Variants in NCEH1 observed in about 807,000 individuals in gnomAD.
The protein encoded by NCEH1 is neutral cholesterol ester hydrolase 1.
A neutral mutation model predicts 25.4 loss-of-function variants in NCEH1; 9 were observed. That is an observed-to-expected ratio of 0.35 (90% confidence interval 0.21 to 0.62). The LOEUF (loss-of-function observed/expected upper bound fraction) is 0.62. Ranked by LOEUF, NCEH1 falls within the 20% of genes least tolerant of loss-of-function variation. The pLI, the probability that NCEH1 is intolerant of heterozygous loss-of-function variation, is 0.72. For missense variants in NCEH1, 412 were observed against 501.1 expected, an observed-to-expected ratio of 0.82 and a Z score of 1.70; for synonymous variants, 200 against 199.8, an observed-to-expected ratio of 1.00 and a Z score of -0.01.
intron 1 of NCEH1, among the ~76,000 whole-genome samples, chr3:172,656,450 TTCTG>T (rs1456902835): frequency 6.6e-6 from 1 of 152,220 alleles, no homozygotes; most frequent in African/African-American, 2.4e-5. Context: ...TGGATGTCAG[TTCTG>T]TCTTTGTCCT....
intron 2 of NCEH1, among the ~76,000 whole-genome samples, chr3:172,646,100 C>A (rs1488551673): frequency 1.3e-5 from 2 of 152,206 alleles, no homozygotes; most frequent in African/African-American, 4.8e-5. Flanking sequence ...TGCCTGTAAT[C>A]TCAGCACTTC....
Position 172,660,902 on chromosome 3 carries a change from T to C in NCEH1, c.139-12788A>G, listed in dbSNP as rs140203918. ...TTGTCAGATGGGAAGATTGTAAAAA[T>C]TTTCTCCCATTCTGTAGGCTGCCTG... On this transcript the variant is annotated intron_variant, in intron 1 of 4. Coordinates refer to ENST00000475381, the MANE Select transcript of NCEH1 (RefSeq NM_020792.6). 7.2e-5 allele frequency among the ~76,000 whole-genome samples: 11 copies of C among 152,320 alleles called. No individual in the cohort carries two copies. The East Asian group carries it at 1.9e-3, about 27-fold the overall frequency.
intron 3 of NCEH1, among the ~76,000 whole-genome samples, chr3:172,644,007 C>T (rs1433100708): frequency 6.6e-6 from 1 of 152,190 alleles, no homozygotes; most frequent in Non-Finnish European, 1.5e-5. Flanking sequence ...GGAGGCCTTG[C>T]TGAGAGTCCA....
rs1716484233 is a variant in NCEH1 at position 172,633,865 on chromosome 3, A to G, written c.837T>C (p.Ala279=). Residue 279 remains alanine, a synonymous_variant, in exon 5 of 5, where the codon GCT becomes GCC. Coordinates refer to ENST00000475381, the MANE Select transcript of NCEH1 (RefSeq NM_020792.6). ...NNHTSLDVEE[A]AAVRARLNWT... ...AGTTTAGACGGGCCCTGACAGCAGC[A>G]GCCTCTTCCACATCAAGTGAAGTGT... 1.2e-6 allele frequency: 2 copies of G among 1,614,250 alleles called. No homozygotes were observed. The highest frequency in any genetic ancestry group is 4.5e-5 in the East Asian group (2 of 44,892).
At chr3:172,652,925 G>C (rs1390852654) in intron 1 of NCEH1, among the ~76,000 whole-genome samples, 1 of 151,112 alleles carries the variant, frequency 6.6e-6, no homozygotes, top group Admixed American at 6.6e-5. Context: ...GGCTGGTCTT[G>C]AACTCCTGAC....
At chr3:172,670,713 T>C (rs1177845701) in intron 1 of NCEH1, among the ~76,000 whole-genome samples, 1 of 152,240 alleles carries the variant, frequency 6.6e-6, no homozygotes, top group Non-Finnish European at 1.5e-5. Flanking sequence ...GAAGCATCAG[T>C]AGTTAATGGT....
intron 1 of NCEH1, among the ~76,000 whole-genome samples, chr3:172,660,639 T>G (rs999836325): frequency 6.6e-6 from 1 of 152,214 alleles, no homozygotes; most frequent in Non-Finnish European, 1.5e-5. Context: ...CAGCACCTGT[T>G]GTTTCCTGAC....
intron 1 of NCEH1, among the ~76,000 whole-genome samples, chr3:172,654,224 T>A (rs1019730250): frequency 6.6e-6 from 1 of 152,168 alleles, no homozygotes; most frequent in African/African-American, 2.4e-5. Context: ...CCCAGCTCCC[T>A]CACTTACCAG....
intron 1 of NCEH1, among the ~76,000 whole-genome samples, chr3:172,670,530 T>C (rs1308126066): frequency 6.6e-6 from 1 of 152,206 alleles, no homozygotes; most frequent in African/African-American, 2.4e-5. Context: ...AAGCTACACA[T>C]GTAGAGTCAG....
intron 1 of NCEH1, among the ~76,000 whole-genome samples, chr3:172,658,450 A>G (rs1717806786): frequency 6.6e-6 from 1 of 152,196 alleles, no homozygotes; most frequent in South Asian, 2.1e-4. Flanking sequence ...GAGGGCATGC[A>G]TGGACCTAAA....
At chr3:172,687,719 A>G (rs1046732005) in intron 1 of NCEH1, among the ~76,000 whole-genome samples, 1 of 152,160 alleles carries the variant, frequency 6.6e-6, no homozygotes, top group Non-Finnish European at 1.5e-5. Flanking sequence ...CCAGATGGCA[A>G]TTTTTCAAGA....
intron 1 of NCEH1, among the ~76,000 whole-genome samples, chr3:172,664,054 C>T (rs978599173): frequency 2.0e-5 from 3 of 152,156 alleles, no homozygotes; most frequent in South Asian, 4.1e-4. Context: ...TTCCTAGCCT[C>T]GATGGTCTTT....
intron 1 of NCEH1, among the ~76,000 whole-genome samples, chr3:172,680,402 C>G (rs927393401): frequency 1.1e-4 from 16 of 152,190 alleles, no homozygotes; most frequent in Admixed American, 5.2e-4. Context: ...CCCCCTCCCC[C>G]TACTACTCAC....
intron 1 of NCEH1, among the ~76,000 whole-genome samples, chr3:172,675,229 G>T (rs569603165): frequency 1.3e-5 from 2 of 152,068 alleles, no homozygotes; most frequent in Non-Finnish European, 2.9e-5. Context: ...CTTGAACGTG[G>T]GAGGTGGAGG....
intron 1 of NCEH1, among the ~76,000 whole-genome samples, chr3:172,653,744 G>GTTGTTGCTTTT (rs1717534237): frequency 2.1e-5 from 2 of 95,676 alleles, no homozygotes; most frequent in African/African-American, 8.4e-5. Context: ...TGTTTTTTTT[G>GTTGTTGCTTTT]TTTTTTTGTT....
At chr3:172,674,794 G>A (rs1441859900) in intron 1 of NCEH1, among the ~76,000 whole-genome samples, 1 of 152,154 alleles carries the variant, frequency 6.6e-6, no homozygotes, top group East Asian at 1.9e-4. Flanking sequence ...AATTCTAATT[G>A]CCATAATATT....
rs916150176 is a variant in NCEH1, at chr3:172,661,712, G to A, written c.139-13598C>T. On this transcript the variant is annotated intron_variant, in intron 1 of 4. Transcript: ENST00000475381. ...CATCCCTTGTAAGTTGGATTCCTAG[G>A]TATTTTATTCTCTTTGAAGCAACTG... Among the ~76,000 whole-genome samples, 3 of 147,858 alleles carry A rather than the reference G, an allele frequency of 2.0e-5. No individual in the cohort carries two copies. In the East Asian group the frequency reaches 6.2e-4, roughly 30 times the overall value.
In NCEH1 at chr3:172,667,572, G is replaced by A. The variant is rs577194304; in HGVS notation, c.139-19458C>T. 2.1e-3 allele frequency among the ~76,000 whole-genome samples: 324 copies of A among 152,262 alleles called. 1 individual carries two copies. The highest frequency in any genetic ancestry group is 6.7e-3 in the African/African-American group (280 of 41,550). ...GAGGACCATGTCTTCAACCATGGGC[G>A]GCATATTTAACTTGGTGGCAGAACC... On this transcript the variant is annotated intron_variant, in intron 1 of 4. Coordinates refer to ENST00000475381, the MANE Select transcript of NCEH1 (RefSeq NM_020792.6).
rs1285650087 is a variant in NCEH1, at chr3:172,711,049, C to T, written c.-65G>A. ...AAAGGGCGATACCACCCGGAGACCTCCGGCAACTTTCTGCCCGCGGCAGCT... is the reference window on the plus strand; with the variant it reads ...AAAGGGCGATACCACCCGGAGACCTTCGGCAACTTTCTGCCCGCGGCAGCT... On this transcript the variant is annotated 5_prime_UTR_variant, in exon 1 of 5. Coordinates refer to ENST00000475381, the MANE Select transcript of NCEH1 (RefSeq NM_020792.6). 1 of 1,610,206 alleles carries T rather than the reference C, an allele frequency of 6.2e-7. No individual in the cohort carries two copies. Among genetic ancestry groups the T allele is most frequent in the South Asian group, 1.1e-5 (1 of 91,014 alleles).
Sources: gnomAD v4.1 joint callset for allele counts (sites outside exome capture counted in the v4.1 genomes callset) on GRCh38, gnomAD v4.1.1 for gene constraint, MANE v1.5 for transcripts, NCBI Gene and HGNC (gene_info 2026-07-23, HGNC 2026-07-21) for gene names.